The following CADPS2 variants were observed in gnomAD, a reference collection of about 807,000 sequenced individuals.
The protein encoded by CADPS2 is calcium dependent secretion activator 2, also known as calcium-dependent secretion activator 2.
A neutral mutation model predicts 172.5 loss-of-function variants in CADPS2; 93 were observed. The observed-to-expected ratio is 0.54, with a 90% CI of 0.46 to 0.64. The LOEUF (loss-of-function observed/expected upper bound fraction) is 0.64. Ranked by LOEUF, CADPS2 falls within the 30% of genes least tolerant of loss-of-function variation. The probability of loss-of-function intolerance (pLI) is 0.00; values close to 1 mark genes in which losing one functional copy is unlikely to be tolerated. For synonymous variants in CADPS2, 546 were observed against 555.2 expected (o/e 0.98, Z 0.23); for missense variants, 1,420 against 1,565.9 (o/e 0.91, Z 1.57).
At position 122,476,102 on chromosome 7, in the gene CADPS2, A is replaced by T. The variant is rs1307932494; in HGVS notation, c.1862-1585T>A. On this transcript the variant is annotated intron_variant, in intron 12 of 29. Coordinates refer to ENST00000449022, the MANE Select transcript of CADPS2 (RefSeq NM_017954.11). The stretch of plus-strand genomic sequence containing the variant: ...AACTGCAAATCACACATTTTATAAA[A>T]TTGGAAGATTCTTTTGTATTTTAAA... 2.0e-5 allele frequency among the ~76,000 whole-genome samples: 3 copies of T among 152,134 alleles called. No homozygotes were observed. The East Asian group carries it at 5.8e-4, about 29-fold the overall frequency.
chr7:122,575,897 G>A (rs2067977830), intron 7 of CADPS2, among the ~76,000 whole-genome samples: 1 of 152,144 alleles, frequency 6.6e-6, no homozygotes, highest in Non-Finnish European at 1.5e-5. Context: ...GAGACTTTCT[G>A]TACACTCAGT....
intron 17 of CADPS2, among the ~76,000 whole-genome samples, chr7:122,436,791 G>A (rs1375090817): frequency 6.6e-6 from 1 of 152,018 alleles, no homozygotes; most frequent in East Asian, 1.9e-4. Context: ...ACAGAGACTT[G>A]TTTTTATGTG....
chr7:122,883,269 G>A (rs1033109191), intron 1 of CADPS2, among the ~76,000 whole-genome samples: 1 of 152,150 alleles, frequency 6.6e-6, no homozygotes, highest in Non-Finnish European at 1.5e-5. Context: ...TGACTAAAGA[G>A]AAACCTGACT....
chr7:122,764,152 T>C (rs1438567376), intron 1 of CADPS2, among the ~76,000 whole-genome samples: 1 of 152,102 alleles, frequency 6.6e-6, no homozygotes, highest in Non-Finnish European at 1.5e-5. Context: ...ACACAGCTTC[T>C]TCTGACTCAG....
At chr7:122,774,257 CATAG>C (rs201171221) in intron 1 of CADPS2, among the ~76,000 whole-genome samples, 22 of 137,786 alleles carry the variant, frequency 1.6e-4, no homozygotes, top group East Asian at 1.4e-3. Flanking sequence ...TATATATAGA[CATAG>C]ATAGATATAC....
At position 122,345,630 on chromosome 7, in the gene CADPS2, G is replaced by C; in HGVS notation, c.3556C>G (p.Gln1186Glu). The change falls in exon 28 of 30, where the codon CAA (glutamine) becomes GAA (glutamate). Residue 1186 changes from glutamine (Q) to glutamate (E), a missense_variant. Gln to Glu is a conservative substitution (Grantham distance 29). Transcript: ENST00000449022. ...DTYIMFVRQN[Q>E]DILREKVNEE... ...TTGACCTTTTCTCGAAGAATATCTT[G>C]GTTTTGCCGAACAAACATAATATAG... is the stretch of plus-strand genomic sequence containing the variant. 1 of 1,613,190 alleles carries C rather than the reference G, an allele frequency of 6.2e-7. No individual in the cohort carries two copies. Among genetic ancestry groups the C allele is most frequent in the Non-Finnish European group, 8.5e-7 (1 of 1,179,500 alleles).
chr7:122,834,224 T>G (rs1563132804), intron 1 of CADPS2, among the ~76,000 whole-genome samples: 1 of 152,138 alleles, frequency 6.6e-6, no homozygotes, highest in Non-Finnish European at 1.5e-5. Flanking sequence ...GGAAAATAAC[T>G]AAAATTCAAA....
At chr7:122,518,480 T>C (rs1197136869) in intron 8 of CADPS2, among the ~76,000 whole-genome samples, 1 of 152,136 alleles carries the variant, frequency 6.6e-6, no homozygotes, top group Non-Finnish European at 1.5e-5. Flanking sequence ...TTCTGGACAA[T>C]TGGCATTTTA....
intron 2 of CADPS2, among the ~76,000 whole-genome samples, chr7:122,703,878 A>G (rs561052531): frequency 6.6e-6 from 1 of 152,258 alleles, no homozygotes; most frequent in African/African-American, 2.4e-5. Flanking sequence ...AGAGGAAAGG[A>G]TGGCCACAAT....
intron 1 of CADPS2, among the ~76,000 whole-genome samples, chr7:122,788,620 G>A (rs1276632104): frequency 6.6e-6 from 1 of 152,160 alleles, no homozygotes; most frequent in East Asian, 1.9e-4. Context: ...TTTCTCTGCT[G>A]TAGAGTCTAC....
intron 6 of CADPS2, among the ~76,000 whole-genome samples, chr7:122,595,138 G>A (rs949185364): frequency 2.0e-5 from 3 of 149,774 alleles, no homozygotes; most frequent in Non-Finnish European, 4.4e-5. Flanking sequence ...TGGGACTAAA[G>A]AGTTAGATGT....
intron 14 of CADPS2, among the ~76,000 whole-genome samples, chr7:122,465,631 C>A (rs147395440): frequency 1.3e-5 from 2 of 152,112 alleles, no homozygotes; most frequent in Non-Finnish European, 2.9e-5. Flanking sequence ...AGTTTCATCC[C>A]AAAACCATCC....
intron 14 of CADPS2, among the ~76,000 whole-genome samples, chr7:122,468,393 G>A (rs1391489552): frequency 1.3e-5 from 2 of 152,158 alleles, no homozygotes; most frequent in Non-Finnish European, 2.9e-5. Flanking sequence ...ATTCTCACAA[G>A]GAGAGGTTGC....
At chr7:122,335,059 T>A (rs1011566917) in intron 28 of CADPS2, among the ~76,000 whole-genome samples, 10 of 152,210 alleles carry the variant, frequency 6.6e-5, no homozygotes, top group African/African-American at 2.4e-5. Context: ...GATAGCCATC[T>A]CTATGGGCAA....
At chr7:122,396,357 C>T (rs1218198324) in intron 20 of CADPS2, among the ~76,000 whole-genome samples, 1 of 152,102 alleles carries the variant, frequency 6.6e-6, no homozygotes, top group Non-Finnish European at 1.5e-5. Flanking sequence ...AATAGTCCAG[C>T]CCTCTCATCT....
At chr7:122,824,225 G>T (rs2140433594) in intron 1 of CADPS2, among the ~76,000 whole-genome samples, 1 of 152,234 alleles carries the variant, frequency 6.6e-6, no homozygotes, top group Admixed American at 6.5e-5. Flanking sequence ...TTTTATGATT[G>T]CCCATTTCAT....
chr7:122,567,773 G>A (rs558083826), intron 7 of CADPS2, among the ~76,000 whole-genome samples: 2 of 151,902 alleles, frequency 1.3e-5, no homozygotes, highest in African/African-American at 4.8e-5. Context: ...CCTCTGATGA[G>A]TTAAAACAAC....
intron 17 of CADPS2, among the ~76,000 whole-genome samples, chr7:122,425,330 G>A (rs1166573390): frequency 1.4e-5 from 2 of 146,412 alleles, no homozygotes; most frequent in Non-Finnish European, 3.0e-5. Context: ...GTTCATGCCT[G>A]TAATCCCTGC....
intron 2 of CADPS2, among the ~76,000 whole-genome samples, chr7:122,717,736 G>A (rs2089817284): frequency 6.6e-6 from 1 of 152,094 alleles, no homozygotes; most frequent in African/African-American, 2.4e-5. Context: ...TTTTCCCTGT[G>A]TAGTAAAATT....
Sources: gnomAD v4.1 joint callset for allele counts (sites outside exome capture counted in the v4.1 genomes callset) on GRCh38, gnomAD v4.1.1 for gene constraint, MANE v1.5 for transcripts, NCBI Gene and HGNC (gene_info 2026-07-23, HGNC 2026-07-21) for gene names.